The following LYPLA1 variants were observed in gnomAD, a reference collection of about 807,000 sequenced individuals.
LYPLA1 encodes the protein lysophospholipase 1, also known as acyl-protein thioesterase 1.
In LYPLA1, 17 loss-of-function variants were observed where a neutral mutation model predicts 34.0. The observed-to-expected ratio is 0.50, with a 90% CI of 0.34 to 0.75. The LOEUF (loss-of-function observed/expected upper bound fraction) is 0.75. Ranked by LOEUF, LYPLA1 falls within the 30% of genes least tolerant of loss-of-function variation. LYPLA1 has a pLI of 0.01. For synonymous variants in LYPLA1, 98 were observed against 100.8 expected, an observed-to-expected ratio of 0.97 and a Z score of 0.17; for missense variants, 203 against 288.8, an observed-to-expected ratio of 0.70 and a Z score of 2.15.
chr8:54,045,258 G>A (rs1805449190), downstream of LYPLA1, among the ~76,000 whole-genome samples: 3 of 152,042 alleles, frequency 2.0e-5, no homozygotes, highest in African/African-American at 7.2e-5. Context: ...AAATAAAATG[G>A]TACTTGTTAA....
intron 2 of LYPLA1, among the ~76,000 whole-genome samples, chr8:54,069,011 A>G (rs938295569): frequency 6.6e-6 from 1 of 152,228 alleles, no homozygotes; most frequent in East Asian, 1.9e-4. Flanking sequence ...AGACTTGATG[A>G]GATGTTTGTC....
intron 2 of LYPLA1, among the ~76,000 whole-genome samples, chr8:54,095,866 C>T (rs1809644523): frequency 1.3e-5 from 2 of 151,976 alleles, no homozygotes; most frequent in African/African-American, 4.8e-5. Context: ...TTACCATACC[C>T]GGCCTGTATT....
At chr8:54,092,827 AAAAC>A (rs1809406988) in intron 2 of LYPLA1, among the ~76,000 whole-genome samples, 2 of 152,188 alleles carry the variant, frequency 1.3e-5, no homozygotes, top group South Asian at 4.1e-4. Flanking sequence ...ACTTAAAAAC[AAAAC>A]AAAACAAAAC....
chr8:54,097,136 G>A (rs1303619380), intron 2 of LYPLA1, among the ~76,000 whole-genome samples: 3 of 152,084 alleles, frequency 2.0e-5, no homozygotes, highest in East Asian at 1.9e-4. Context: ...GTATCCCCCC[G>A]CAACTTGCTT....
intron 2 of LYPLA1, among the ~76,000 whole-genome samples, chr8:54,077,919 T>C (rs756851669): frequency 6.6e-6 from 1 of 152,090 alleles, no homozygotes; most frequent in Non-Finnish European, 1.5e-5. Flanking sequence ...GATGGTTTCA[T>C]GGGTGTAAGT....
At chr8:54,073,222 C>T (rs1807625864) in intron 2 of LYPLA1, 3 of 816,552 alleles carry the variant, frequency 3.7e-6, no homozygotes, top group Admixed American at 3.4e-5. Context: ...CAGGGAGATA[C>T]AGGACAGTAA....
intron 2 of LYPLA1, among the ~76,000 whole-genome samples, chr8:54,094,672 C>A (rs1809546824): frequency 6.6e-6 from 1 of 152,164 alleles, no homozygotes; most frequent in Non-Finnish European, 1.5e-5. Flanking sequence ...TCACTGTCTA[C>A]TAAAAGGAAC....
At chr8:54,053,833 T>G (rs1401812468) in intron 6 of LYPLA1, among the ~76,000 whole-genome samples, 2 of 152,224 alleles carry the variant, frequency 1.3e-5, no homozygotes, top group Non-Finnish European at 2.9e-5. Flanking sequence ...TCCTGAGGCC[T>G]TGCCTCATTT....
chr8:54,075,897 C>T (rs1807861375), intron 2 of LYPLA1, among the ~76,000 whole-genome samples: 1 of 152,176 alleles, frequency 6.6e-6, no homozygotes, highest in Non-Finnish European at 1.5e-5. Flanking sequence ...AGAGGTGCGG[C>T]ACAATGATTC....
chr8:54,089,492 T>TGGC (rs1554549469), intron 2 of LYPLA1, among the ~76,000 whole-genome samples: 1 of 102,974 alleles, frequency 9.7e-6, no homozygotes, highest in African/African-American at 5.5e-5. Flanking sequence ...CAGACATCCC[T>TGGC]GGGGGGGGGC....
At chr8:54,067,460 C>CT (rs555577779) in intron 2 of LYPLA1, among the ~76,000 whole-genome samples, 104 of 152,288 alleles carry the variant, frequency 6.8e-4, no homozygotes, top group African/African-American at 2.3e-3. Flanking sequence ...TCAAATCCTT[C>CT]TAGCCAGGAA....
At chr8:54,089,996 C>T (rs1266054248) in intron 2 of LYPLA1, among the ~76,000 whole-genome samples, 2 of 152,186 alleles carry the variant, frequency 1.3e-5, no homozygotes, top group Non-Finnish European at 2.9e-5. Context: ...ACTGCCAGAA[C>T]GAGCCAACAG....
At position 54,100,931 on chromosome 8, in the gene LYPLA1, G is replaced by A. The variant is rs909340946; in HGVS notation, c.78C>T (p.Phe26=). The stretch of plus-strand genomic sequence containing the variant: ...ACCCAGTATCTCCCAATCCATGCAG[G>A]AAAATCACCTATAAGAGAAGAGGAA... The part of the protein sequence containing the change: ...AARKATAAVI[F]LHGLGDTGHG... The change falls in exon 2 of 9, where the codon TTC becomes TTT. Residue 26 remains phenylalanine, a synonymous_variant. Transcript: ENST00000316963. 6 of 1,609,262 alleles carry A rather than the reference G, an allele frequency of 3.7e-6. No individual in the cohort carries two copies. Among genetic ancestry groups the A allele is most frequent in the South Asian group, 1.1e-5 (1 of 90,928 alleles).
chr8:54,095,749 C>CTTT (rs568630269), intron 2 of LYPLA1, among the ~76,000 whole-genome samples: 1 of 138,738 alleles, frequency 7.2e-6, no homozygotes. Flanking sequence ...CTGGCTTACA[C>CTTT]TTTTTTTTTT....
chr8:54,079,556 A>C (rs1797955132), intron 2 of LYPLA1, among the ~76,000 whole-genome samples: 1 of 152,112 alleles, frequency 6.6e-6, no homozygotes, highest in African/African-American at 2.4e-5. Context: ...TGACCCCAGC[A>C]GTTTGGGAGG....
intron 2 of LYPLA1, among the ~76,000 whole-genome samples, chr8:54,097,069 C>T (rs911712353): frequency 2.4e-4 from 36 of 152,082 alleles, no homozygotes; most frequent in African/African-American, 8.5e-4. Context: ...AAGCAATTAT[C>T]AATGGATGAT....
At chr8:54,065,930 GTTT>G (rs376668037) in intron 2 of LYPLA1, 117 bp from the exon 3 acceptor site, 1 of 679,968 alleles carries the variant, frequency 1.5e-6, no homozygotes, top group Admixed American at 2.4e-5. Flanking sequence ...TAAAAATATG[GTTT>G]TTTTTTGTTT....
intron 2 of LYPLA1, among the ~76,000 whole-genome samples, chr8:54,079,665 C>A (rs1036769135): frequency 6.6e-6 from 1 of 151,970 alleles, no homozygotes; most frequent in East Asian, 1.9e-4. Context: ...TAGCTGGGAG[C>A]GCTCCTGCAG....
chr8:54,073,595 A>G (rs1807662211), intron 2 of LYPLA1: 1 of 539,188 alleles, frequency 1.9e-6, no homozygotes, highest in Non-Finnish European at 3.4e-6. Flanking sequence ...TTACAGAAGT[A>G]TAATTTTAGA....
Sources: allele counts gnomAD v4.1 joint callset (sites outside exome capture counted in the v4.1 genomes callset), GRCh38; gene constraint gnomAD v4.1.1; transcripts MANE v1.5; gene names NCBI Gene and HGNC (gene_info 2026-07-23, HGNC 2026-07-21).